The following NRXN1 variants were observed in gnomAD, a reference collection of about 807,000 sequenced individuals.
NRXN1 encodes the protein neurexin 1.
A neutral mutation model predicts 150.9 loss-of-function variants in NRXN1; 39 were observed. The observed-to-expected ratio is 0.26, with a 90% CI of 0.20 to 0.34. NRXN1 has a LOEUF of 0.34. Ranked by LOEUF, NRXN1 falls within the 10% of genes least tolerant of loss-of-function variation. The pLI is 1.00. For missense variants in NRXN1, 1,815 were observed against 1,949.9 expected, an observed-to-expected ratio of 0.93 and a Z score of 1.30; for synonymous variants, 924 against 757.0, an observed-to-expected ratio of 1.22 and a Z score of -3.62.
intron 5 of NRXN1, among the ~76,000 whole-genome samples, chr2:50,815,947 T>C (rs1024477877): frequency 9.2e-5 from 14 of 152,156 alleles, no homozygotes; most frequent in African/African-American, 3.4e-4. Flanking sequence ...GCTCATATTC[T>C]TGGAAAACAG....
chr2:50,386,335 T>A (rs928707530), intron 17 of NRXN1, among the ~76,000 whole-genome samples: 1 of 152,072 alleles, frequency 6.6e-6, no homozygotes, highest in Non-Finnish European at 1.5e-5. Context: ...AGTAATATAA[T>A]TGAAAATTAT....
chr2:50,779,833 T>G (rs1278652383), intron 5 of NRXN1, among the ~76,000 whole-genome samples: 1 of 152,042 alleles, frequency 6.6e-6, no homozygotes, highest in Admixed American at 6.6e-5. Context: ...TAAACATGTG[T>G]GCATATGTCT....
At chr2:50,377,254 A>G (rs903080968) in intron 17 of NRXN1, among the ~76,000 whole-genome samples, 2 of 151,834 alleles carry the variant, frequency 1.3e-5, no homozygotes, top group East Asian at 1.9e-4. Context: ...CCTCCTTCCA[A>G]TCCCCCTAAC....
chr2:50,729,301 T>C (rs1194686042), intron 5 of NRXN1, among the ~76,000 whole-genome samples: 1 of 152,216 alleles, frequency 6.6e-6, no homozygotes, highest in African/African-American at 2.4e-5. Context: ...CTCAATAAGG[T>C]ATACACTTTA....
chr2:50,017,697 C>G (rs1038469957), intron 21 of NRXN1, among the ~76,000 whole-genome samples: 1 of 149,022 alleles, frequency 6.7e-6, no homozygotes, highest in African/African-American at 2.5e-5. Flanking sequence ...TTACGCGAAC[C>G]CTGATATTAT....
At chr2:50,483,124 G>A (rs1182264030) in intron 15 of NRXN1, among the ~76,000 whole-genome samples, 2 of 149,994 alleles carry the variant, frequency 1.3e-5, no homozygotes, top group African/African-American at 4.9e-5. Context: ...CTCTGGTCAT[G>A]CTCACTGCTC....
Position 50,408,646 on chromosome 2 carries a change from A to T in NRXN1, c.3364+56796T>A, listed in dbSNP as rs533623674. Among the ~76,000 whole-genome samples the T allele has an allele frequency of 3.3e-5, 5 of 152,186 alleles. No homozygotes were observed. The East Asian group carries it at 9.7e-4, about 29-fold the overall frequency. On this transcript the variant is annotated intron_variant, in intron 17 of 22. Coordinates refer to ENST00000401669, the MANE Select transcript of NRXN1 (RefSeq NM_001330078.2). ...TCCCCCTAATTTGGCTGTAACATTG[A>T]TTGTGTGTATGTGTGTGTGTATGTC...
intron 5 of NRXN1, among the ~76,000 whole-genome samples, chr2:50,650,225 C>T (rs1685411273): frequency 6.6e-6 from 1 of 151,994 alleles, no homozygotes; most frequent in Admixed American, 6.6e-5. Flanking sequence ...GAATAGGAGG[C>T]CCATGCTTTG....
chr2:50,987,275 T>TA (rs1173321019), intron 2 of NRXN1, among the ~76,000 whole-genome samples: 4 of 151,960 alleles, frequency 2.6e-5, no homozygotes, highest in African/African-American at 7.2e-5. Context: ...CAATATAAAA[T>TA]AAAAAAGTAT....
chr2:50,353,682 G>A (rs1040880911), intron 17 of NRXN1, among the ~76,000 whole-genome samples: 1 of 152,054 alleles, frequency 6.6e-6, no homozygotes, highest in Non-Finnish European at 1.5e-5. Flanking sequence ...TTTATTCATA[G>A]GTACTTTATG....
At chr2:50,036,184 T>C (rs1462512938) in intron 21 of NRXN1, among the ~76,000 whole-genome samples, 1 of 152,140 alleles carries the variant, frequency 6.6e-6, no homozygotes, top group Non-Finnish European at 1.5e-5. Context: ...AACTGAATCA[T>C]GGGGGAGGTC....
chr2:50,589,643 C>T lies in NRXN1; in HGVS notation c.1320+30379G>A, dbSNP rs1673786621. Among the ~76,000 whole-genome samples the T allele has an allele frequency of 5.5e-5, 2 of 36,560 alleles. 1 individual carries two copies. Among genetic ancestry groups the T allele is most frequent in the African/African-American group, 9.0e-5 (2 of 22,122 alleles). The allele number at this position is 36,560 out of a possible 152,430, so 24.0% of individuals were successfully genotyped here. On this transcript the variant is annotated intron_variant, in intron 8 of 22. Coordinates refer to ENST00000401669, the MANE Select transcript of NRXN1 (RefSeq NM_001330078.2). ...AGTTGGGATTACAGGTGTGAGCCACCATGCCTGGCCAAAACAGGGATTCTT... is the reference window on the plus strand; with the variant it reads ...AGTTGGGATTACAGGTGTGAGCCACTATGCCTGGCCAAAACAGGGATTCTT...
At chr2:50,770,364 T>G (rs970120983) in intron 5 of NRXN1, among the ~76,000 whole-genome samples, 12 of 151,742 alleles carry the variant, frequency 7.9e-5, no homozygotes, top group Non-Finnish European at 1.8e-4. Context: ...AGATAGATTT[T>G]TTCCCCTTTC....
At chr2:50,255,046 G>T (rs530413035) in intron 17 of NRXN1, among the ~76,000 whole-genome samples, 1 of 151,988 alleles carries the variant, frequency 6.6e-6, no homozygotes, top group African/African-American at 2.4e-5. Context: ...GGGCTCAAGC[G>T]ATCCACCCAC....
chr2:50,772,246 T>C (rs910522209), intron 5 of NRXN1, among the ~76,000 whole-genome samples: 106 of 151,892 alleles, frequency 7.0e-4, no homozygotes, highest in Non-Finnish European at 1.3e-4. Context: ...GATAGGCTCC[T>C]GCAGCATACA....
intron 22 of NRXN1, among the ~76,000 whole-genome samples, chr2:49,930,338 G>A (rs1407646212): frequency 6.6e-6 from 1 of 152,152 alleles, no homozygotes; most frequent in African/African-American, 2.4e-5. Flanking sequence ...GGAAATATCT[G>A]TAGTACATAT....
intron 5 of NRXN1, among the ~76,000 whole-genome samples, chr2:50,718,120 C>T (rs774440794): frequency 2.0e-5 from 3 of 152,108 alleles, no homozygotes; most frequent in Non-Finnish European, 2.9e-5. Context: ...TTCTTCATCA[C>T]GCTTTGAAAG....
intron 5 of NRXN1, among the ~76,000 whole-genome samples, chr2:50,725,089 A>G (rs1697171658): frequency 6.6e-6 from 1 of 152,168 alleles, no homozygotes; most frequent in Non-Finnish European, 1.5e-5. Flanking sequence ...GATTTAGATT[A>G]CTGTAAATAC....
intron 18 of NRXN1, among the ~76,000 whole-genome samples, chr2:50,160,697 A>C (rs1459750819): frequency 6.6e-6 from 1 of 152,174 alleles, no homozygotes; most frequent in Non-Finnish European, 1.5e-5. Flanking sequence ...TTCCCAAAGT[A>C]TTCTTAGTGG....
Sources: gnomAD v4.1 joint callset for allele counts (sites outside exome capture counted in the v4.1 genomes callset) on GRCh38, gnomAD v4.1.1 for gene constraint, MANE v1.5 for transcripts, NCBI Gene and HGNC (gene_info 2026-07-23, HGNC 2026-07-21) for gene names.